ZFHX3: variants seen among roughly 807,000 people sequenced by gnomAD.
ZFHX3 encodes the protein zinc finger homeobox protein 3.
ZFHX3 carries 42 observed loss-of-function variants against 279.1 expected under a neutral mutation model. That is an observed-to-expected ratio of 0.15 (90% CI 0.12 to 0.19). ZFHX3 has a LOEUF of 0.19. Ranked by LOEUF, ZFHX3 falls within the 10% of genes least tolerant of loss-of-function variation. The pLI is 1.00. For missense variants in ZFHX3, 4,981 were observed against 4,754.0 expected (o/e 1.05, Z -1.40); for synonymous variants, 2,293 against 1,957.8 (o/e 1.17, Z -4.52).
intron 3 of ZFHX3, among the ~76,000 whole-genome samples, chr16:73,358,407 G>T (rs550691507): frequency 1.3e-5 from 2 of 152,212 alleles, no homozygotes; most frequent in South Asian, 4.1e-4. Flanking sequence ...GAAACCGAGC[G>T]CAGCCTCTGG....
chr16:73,239,674 C>G (rs550558302), intron 5 of ZFHX3, among the ~76,000 whole-genome samples: 2 of 152,154 alleles, frequency 1.3e-5, no homozygotes, highest in African/African-American at 2.4e-5. Context: ...GTGAGAAAAT[C>G]TGCTCATCAC....
chr16:73,086,300 A>T (rs1468426170), intron 8 of ZFHX3, among the ~76,000 whole-genome samples: 1 of 152,194 alleles, frequency 6.6e-6, no homozygotes, highest in African/African-American at 2.4e-5. Context: ...GGAAAAGTGG[A>T]GGTTCCTCAA....
At chr16:73,278,242 T>C (rs1000468194) in intron 4 of ZFHX3, among the ~76,000 whole-genome samples, 7 of 152,230 alleles carry the variant, frequency 4.6e-5, no homozygotes, top group Non-Finnish European at 1.0e-4. Context: ...AAATAAAGTT[T>C]TTGTTACTGT....
At chr16:73,016,832 A>G (rs1220747746) in intron 1 of ZFHX3, among the ~76,000 whole-genome samples, 3 of 151,990 alleles carry the variant, frequency 2.0e-5, no homozygotes, top group Non-Finnish European at 4.4e-5. Context: ...GAATCTCCCC[A>G]TTACAGCTGA....
At chr16:73,669,414 G>C (rs542880613) in intron 2 of ZFHX3, among the ~76,000 whole-genome samples, 1 of 152,174 alleles carries the variant, frequency 6.6e-6, no homozygotes, top group Admixed American at 6.5e-5. Context: ...AAACTCCCAC[G>C]TGATCTCTAG....
At chr16:73,492,679 C>A (rs1249321947) in intron 2 of ZFHX3, among the ~76,000 whole-genome samples, 8 of 152,204 alleles carry the variant, frequency 5.3e-5, no homozygotes, top group Non-Finnish European at 1.0e-4. Flanking sequence ...AATCCTCCAG[C>A]CTAAACCCTG....
intron 1 of ZFHX3, among the ~76,000 whole-genome samples, chr16:73,017,269 T>C (rs1023195502): frequency 6.7e-6 from 1 of 150,210 alleles, no homozygotes; most frequent in African/African-American, 2.4e-5. Flanking sequence ...TATCAAAGGC[T>C]GAGTGGGCAA....
chr16:72,800,293 A>T (rs1451990512), intron 7 of ZFHX3, among the ~76,000 whole-genome samples, 164 bp from the exon 8 acceptor site: 1 of 152,258 alleles, frequency 6.6e-6, no homozygotes, highest in Non-Finnish European at 1.5e-5. Context: ...GACAAAGCTC[A>T]CATCAGTCAA....
At chr16:73,678,275 C>A (rs193083862) in intron 2 of ZFHX3, among the ~76,000 whole-genome samples, 27 of 152,126 alleles carry the variant, frequency 1.8e-4, no homozygotes, top group African/African-American at 5.5e-4. Flanking sequence ...CTGTAGAAGA[C>A]CATTGGGAGA....
At chr16:72,972,249 G>A (rs952992301) in intron 1 of ZFHX3, among the ~76,000 whole-genome samples, 4 of 152,100 alleles carry the variant, frequency 2.6e-5, no homozygotes, top group Non-Finnish European at 4.4e-5. Flanking sequence ...AGTAATGAAA[G>A]GGTTTTGCAG....
chr16:73,269,614 G>A (rs1409050745), intron 4 of ZFHX3, among the ~76,000 whole-genome samples: 1 of 152,068 alleles, frequency 6.6e-6, no homozygotes, highest in African/African-American at 2.4e-5. Context: ...AACCTTCCAC[G>A]AATATTCATG....
At chr16:72,822,301 A>G (rs544867526) in intron 5 of ZFHX3, among the ~76,000 whole-genome samples, 104 of 152,282 alleles carry the variant, frequency 6.8e-4, no homozygotes, top group African/African-American at 2.3e-3. Context: ...TCCTCCTCCA[A>G]CCTTCCTAAA....
intron 1 of ZFHX3, among the ~76,000 whole-genome samples, chr16:73,806,593 G>A (rs1312167970): frequency 1.3e-5 from 2 of 152,062 alleles, no homozygotes; most frequent in Non-Finnish European, 2.9e-5. Context: ...CAATAACACT[G>A]GTTGGTGGGG....
intron 1 of ZFHX3, among the ~76,000 whole-genome samples, chr16:73,886,206 A>T (rs182471342): frequency 7.2e-5 from 11 of 152,262 alleles, no homozygotes; most frequent in Admixed American, 3.3e-4. Flanking sequence ...TTCCTTTTTT[A>T]AAAAATAAAA....
At chr16:73,361,704 C>T (rs1434449951) in intron 3 of ZFHX3, among the ~76,000 whole-genome samples, 1 of 152,144 alleles carries the variant, frequency 6.6e-6, no homozygotes, top group Non-Finnish European at 1.5e-5. Flanking sequence ...GTCCATCAAA[C>T]CAAGATTTTT....
intron 1 of ZFHX3, among the ~76,000 whole-genome samples, chr16:72,974,720 G>A (rs1962270935): frequency 6.6e-6 from 1 of 152,226 alleles, no homozygotes; most frequent in African/African-American, 2.4e-5. Flanking sequence ...AATGGCCACT[G>A]TAAGGTAGAG....
At chr16:73,057,755 T>TAG (rs1193262563) in intron 1 of ZFHX3, among the ~76,000 whole-genome samples, 1 of 151,050 alleles carries the variant, frequency 6.6e-6, no homozygotes, top group African/African-American at 2.4e-5. Flanking sequence ...AGCGCACAGG[T>TAG]AGAGGATCGC....
intron 5 of ZFHX3, among the ~76,000 whole-genome samples, chr16:73,203,199 A>G (rs2011670747): frequency 1.3e-5 from 2 of 152,042 alleles, no homozygotes; most frequent in Admixed American, 1.3e-4. Flanking sequence ...GAGGGTCGAG[A>G]CTATGCATCA....
exon 1 of ZFHX3, chr16:73,891,775 T>TCTCTCTCTC (rs2030547283): frequency 6.9e-6 from 1 of 144,000 alleles, no homozygotes; most frequent in Non-Finnish European, 1.5e-5. Flanking sequence ...TCTCTCTCTC[T>TCTCTCTCTC]TCCTCCTCCT....
Sources: gnomAD v4.1 joint callset for allele counts (sites outside exome capture counted in the v4.1 genomes callset) on GRCh38, gnomAD v4.1.1 for gene constraint, MANE v1.5 for transcripts, NCBI Gene and HGNC (gene_info 2026-07-23, HGNC 2026-07-21) for gene names.